The following PTPN5 variants were observed in gnomAD, a reference collection of about 807,000 sequenced individuals.
PTPN5 encodes the protein tyrosine-protein phosphatase non-receptor type 5.
PTPN5 carries 29 observed loss-of-function variants against 73.9 expected under a neutral mutation model. That is an observed-to-expected ratio of 0.39 (90% CI 0.29 to 0.54). The LOEUF is 0.54. PTPN5 is among the 20% of genes least tolerant of loss of function. PTPN5 has a pLI of 0.65. For missense variants in PTPN5, 652 were observed against 751.4 expected (o/e 0.87, Z 1.55); for synonymous variants, 267 against 304.7 (o/e 0.88, Z 1.29).
At chr11:18,783,305 AGT>A (rs1851525535) in intron 1 of PTPN5, among the ~76,000 whole-genome samples, 1 of 152,202 alleles carries the variant, frequency 6.6e-6, no homozygotes, top group Admixed American at 6.5e-5. Flanking sequence ...GGTCTCCCTG[AGT>A]GTCTAGAGTC....
intron 2 of PTPN5, among the ~76,000 whole-genome samples, chr11:18,769,257 T>C (rs867197264): frequency 2.6e-5 from 4 of 152,158 alleles, no homozygotes; most frequent in South Asian, 4.1e-4. Flanking sequence ...GAGACAGACA[T>C]GCAGACACGA....
intron 11 of PTPN5, among the ~76,000 whole-genome samples, 178 bp from the exon 12 acceptor site, chr11:18,732,880 C>G (rs1357633206): frequency 6.6e-6 from 1 of 152,252 alleles, no homozygotes; most frequent in Non-Finnish European, 1.5e-5. Context: ...GTCTCAGTTT[C>G]TTCCTCTGGA....
chr11:18,791,916 G>C (rs1168850715), upstream of PTPN5: 2 of 152,232 alleles, frequency 1.3e-5, no homozygotes, highest in African/African-American at 4.8e-5. Context: ...GGGACCGGGA[G>C]AGCGGCCTGC....
chr11:18,770,734 C>T (rs1850847438), intron 2 of PTPN5, among the ~76,000 whole-genome samples: 1 of 152,202 alleles, frequency 6.6e-6, no homozygotes. Flanking sequence ...ACTTGAAGGT[C>T]ATCACCTTCC....
intron 1 of PTPN5, among the ~76,000 whole-genome samples, chr11:18,783,964 TTC>T (rs1478464562): frequency 6.6e-6 from 1 of 152,228 alleles, no homozygotes; most frequent in Non-Finnish European, 1.5e-5. Context: ...CTCTTCTCTC[TTC>T]TCTGTTACCT....
rs746798905 is a variant in PTPN5, at chr11:18,737,983, G to A, written c.916-19C>T. On this transcript the variant is annotated intron_variant, in intron 8 of 14. Coordinates refer to ENST00000358540, the MANE Select transcript of PTPN5 (RefSeq NM_006906.2). ...GGATTTCCTGTGGAAGGAGGACACG[G>A]GGTGTGAGCAGCTATGGGCCCTCAC... is the stretch of plus-strand genomic sequence containing the variant. The A allele has an allele frequency of 3.7e-6, 6 of 1,606,500 alleles. No homozygotes were observed. In the Admixed American group the frequency reaches 8.3e-5, roughly 22 times the overall value.
chr11:18,742,297 G>T lies in PTPN5; in HGVS notation c.690C>A (p.Thr230=). ...VMDIKPEADP[T]SLTVKSMGLQ... is the part of the protein sequence containing the mutation. The stretch of plus-strand genomic sequence containing the variant: ...GACCCATGGACTTGACGGTGAGTGA[G>T]GTGGGGTCAGCCTCAGGCTTGATGT... The change falls in exon 7 of 15, where the codon ACC becomes ACA. Residue 230 remains threonine (T), a synonymous_variant. Transcript: ENST00000358540. This position sits in a 1 kb window ranked among gnomAD's most constrained non-coding sequence, Gnocchi z 4.1. 6.2e-7 allele frequency: 1 copy of T among 1,614,168 alleles called. No individual in the cohort carries two copies. Among genetic ancestry groups the T allele is most frequent in the South Asian group, 1.1e-5 (1 of 91,086 alleles).
At chr11:18,749,034 C>T (rs1019122616) in intron 3 of PTPN5, among the ~76,000 whole-genome samples, 1 of 152,212 alleles carries the variant, frequency 6.6e-6, no homozygotes, top group African/African-American at 2.4e-5. Context: ...ATAATACCAC[C>T]TCACTGGGCT....
chr11:18,771,942 G>T lies in PTPN5; in HGVS notation c.17C>A (p.Ala6Asp). 1 of 1,588,518 alleles carries T rather than the reference G, an allele frequency of 6.3e-7. No homozygotes were observed. Among genetic ancestry groups the T allele is most frequent in the Non-Finnish European group, 8.5e-7 (1 of 1,170,306 alleles). The part of the protein sequence containing the change: MNYEG[A>D]RSERENHAAD... ...GACGGCGTAAACGCTCACTCACCTG[G>T]CTCCCTCATAATTCATTCCCAAGGT... The change falls in exon 2 of 15, where the codon GCC becomes GAC. Residue 6 changes from alanine to aspartate, a missense_variant. By Grantham distance (126) the Ala-to-Asp change is moderately radical (BLOSUM62 -2). Around this residue, in one of 3 missense-constraint regions of PTPN5, gnomAD observed 529 missense variants for 573.9 expected, o/e 0.92. Coordinates refer to ENST00000358540, the MANE Select transcript of PTPN5 (RefSeq NM_006906.2).
chr11:18,743,498 A>G lies in PTPN5; in HGVS notation c.292-69T>C, dbSNP rs957531389. 1.1e-5 allele frequency: 16 copies of G among 1,397,272 alleles called. No individual in the cohort carries two copies. The African/African-American group carries it at 1.7e-4, about 15-fold the overall frequency. 86.6% of individuals were successfully genotyped at this position (1,397,272 alleles called of 1,614,324 possible). A position where few individuals can be genotyped will look rare whatever the true frequency, so the allele number is the denominator to read the frequency against. On this transcript the variant is annotated intron_variant, in intron 4 of 14. Transcript: ENST00000358540. Reference sequence around the variant, plus strand: ...CCCCCGTGTTCCCCCAGCAGAGCTCACCTGCAGCCTCAACCTGGCCCTGCA... The same window carrying G: ...CCCCCGTGTTCCCCCAGCAGAGCTCGCCTGCAGCCTCAACCTGGCCCTGCA...
intron 3 of PTPN5, among the ~76,000 whole-genome samples, chr11:18,764,626 T>C (rs1229078187): frequency 6.6e-6 from 1 of 152,246 alleles, no homozygotes; most frequent in Non-Finnish European, 1.5e-5. Context: ...CATTCTAAGG[T>C]TCCTTGCCAA....
intron 3 of PTPN5, among the ~76,000 whole-genome samples, chr11:18,755,311 G>T (rs148780154): frequency 2.4e-4 from 36 of 152,320 alleles, no homozygotes; most frequent in African/African-American, 8.4e-4. Context: ...GAGATGTTGT[G>T]AGAGATCAGG....
At chr11:18,777,268 G>C (rs1276794117) in intron 1 of PTPN5, among the ~76,000 whole-genome samples, 2 of 152,208 alleles carry the variant, frequency 1.3e-5, no homozygotes, top group Non-Finnish European at 2.9e-5. Flanking sequence ...GCCTGATCTT[G>C]GGCAAGATTT....
Position 18,729,323 on chromosome 11 carries a change from C to T in PTPN5, c.1604+130G>A. The T allele has an allele frequency of 1.6e-6, 1 of 639,490 alleles. No individual in the cohort carries two copies. The highest frequency in any genetic ancestry group is 2.8e-6 in the Non-Finnish European group (1 of 352,524). 39.6% of individuals were successfully genotyped at this position (639,490 alleles called of 1,614,324 possible). A position where few individuals can be genotyped will look rare whatever the true frequency, so the allele number is the denominator to read the frequency against. On this transcript the variant is annotated intron_variant, in intron 14 of 14. Coordinates refer to ENST00000358540, the MANE Select transcript of PTPN5 (RefSeq NM_006906.2). The surrounding 1 kb of genome is among the most constrained non-coding windows in gnomAD (Gnocchi z 5.2). ...CCCAGCTGTCCTCGCTACTCCTTGT[C>T]TGCCCATCAGTCCGTGCCAGTGTTT...
chr11:18,783,757 C>T (rs769024898), intron 1 of PTPN5, among the ~76,000 whole-genome samples: 1 of 152,212 alleles, frequency 6.6e-6, no homozygotes, highest in Non-Finnish European at 1.5e-5. Flanking sequence ...AAGCTCCTTG[C>T]GGGCAGGGTC....
rs1431857787 is a variant in PTPN5, at chr11:18,737,942, T to C, written c.938A>G (p.Asp313Gly). 6.2e-7 allele frequency: 1 copy of C among 1,614,168 alleles called. No homozygotes were observed. ...CCCAGGGATGTCGTACTCTTTCGGA[T>C]CCACAAAGTTCATGGGGATTTCCTG... is the stretch of plus-strand genomic sequence containing the variant. ...EFFEIPMNFV[D>G]PKEYDIPGLV... The change falls in exon 9 of 15, where the codon GAT becomes GGT. Residue 313 changes from aspartate (D) to glycine (G), a missense_variant. By Grantham distance (94) the Asp-to-Gly change is moderately conservative (BLOSUM62 -1). Around this residue, in one of 3 missense-constraint regions of PTPN5, gnomAD observed 529 missense variants for 573.9 expected, o/e 0.92. Coordinates refer to ENST00000358540, the MANE Select transcript of PTPN5 (RefSeq NM_006906.2).
At chr11:18,774,066 C>G (rs1851033088) in intron 1 of PTPN5, among the ~76,000 whole-genome samples, 1 of 152,214 alleles carries the variant, frequency 6.6e-6, no homozygotes, top group South Asian at 2.1e-4. Flanking sequence ...GGAAGCCTTC[C>G]CTGGGGATAG....
intron 3 of PTPN5, among the ~76,000 whole-genome samples, chr11:18,763,757 T>G (rs1041378076): frequency 3.9e-5 from 6 of 152,222 alleles, no homozygotes; most frequent in Non-Finnish European, 7.3e-5. Context: ...AGTGAATGAC[T>G]GAGTGGTTAC....
chr11:18,785,844 A>T (rs773850763), intron 1 of PTPN5, among the ~76,000 whole-genome samples: 19 of 152,246 alleles, frequency 1.2e-4, no homozygotes, highest in Non-Finnish European at 2.5e-4. Context: ...CTAACCAGGA[A>T]ATTTGGCTGT....
Sources: allele counts gnomAD v4.1 joint callset (sites outside exome capture counted in the v4.1 genomes callset), GRCh38; gene constraint gnomAD v4.1.1; regional missense constraint gnomAD v4.1.1; non-coding constraint Gnocchi (gnomAD v3.1); transcripts MANE v1.5; gene names NCBI Gene and HGNC (gene_info 2026-07-23, HGNC 2026-07-21).